ZNF608: variants seen among roughly 807,000 people sequenced by gnomAD.
The protein encoded by ZNF608 is renal carcinoma antigen NY-REN-36.
A neutral mutation model predicts 109.0 loss-of-function variants in ZNF608; 12 were observed. That is an observed-to-expected ratio of 0.11 (90% CI 0.07 to 0.18). The LOEUF (loss-of-function observed/expected upper bound fraction) is 0.18. Among genes scored for constraint, ZNF608 ranks in the 10% least tolerant of loss-of-function variants. The pLI is 1.00. For missense variants in ZNF608, 1,707 were observed against 1,879.3 expected, an observed-to-expected ratio of 0.91 and a Z score of 1.70; for synonymous variants, 732 against 717.4, an observed-to-expected ratio of 1.02 and a Z score of -0.33.
chr5:124,654,042 T>C (rs1750905745), intron 3 of ZNF608, among the ~76,000 whole-genome samples: 1 of 152,210 alleles, frequency 6.6e-6, no homozygotes, highest in Admixed American at 6.5e-5. Context: ...TGTGTTAAAC[T>C]AAATTTGTCT....
chr5:124,742,293 T>C (rs1749446474), intron 2 of ZNF608, among the ~76,000 whole-genome samples: 2 of 152,126 alleles, frequency 1.3e-5, no homozygotes, highest in Admixed American at 6.6e-5. Context: ...CTAAACAAAA[T>C]TGTTGAATGT....
intron 3 of ZNF608, among the ~76,000 whole-genome samples, chr5:124,694,740 G>A (rs374704110): frequency 7.6e-6 from 1 of 132,130 alleles, no homozygotes; most frequent in Non-Finnish European, 1.6e-5. Context: ...CCCATGACAG[G>A]CCTGGGTGTG....
intron 3 of ZNF608, among the ~76,000 whole-genome samples, chr5:124,682,862 C>T (rs1226973200): frequency 6.6e-6 from 1 of 152,194 alleles, no homozygotes; most frequent in Non-Finnish European, 1.5e-5. Context: ...CTTGTGATGG[C>T]CCCTAATGAC....
chr5:124,722,017 C>T (rs950798766), intron 2 of ZNF608, among the ~76,000 whole-genome samples: 7 of 148,174 alleles, frequency 4.7e-5, no homozygotes, highest in Non-Finnish European at 1.0e-4. Context: ...CCCCAATTCC[C>T]AGTTCTAGAG....
chr5:124,727,004 A>G (rs546249092), intron 2 of ZNF608, among the ~76,000 whole-genome samples: 3 of 152,324 alleles, frequency 2.0e-5, no homozygotes, highest in African/African-American at 7.2e-5. Context: ...TCCCATCTCA[A>G]GCTTGTACTT....
chr5:124,641,317 G>A lies in ZNF608; in HGVS notation c.4385C>T (p.Thr1462Met), dbSNP rs776465095. The A allele has an allele frequency of 1.2e-5, 19 of 1,614,012 alleles. 1 individual carries two copies. The highest frequency in any genetic ancestry group is 4.5e-5 in the East Asian group (2 of 44,874). The change falls in exon 8 of 10, where the codon ACG (threonine) becomes ATG (methionine). Residue 1462 changes from threonine to methionine, a missense_variant. By Grantham distance (81) the Thr-to-Met change is moderately conservative. Coordinates refer to ENST00000513986, the MANE Select transcript of ZNF608 (RefSeq NM_020747.3). ...CATGCCAACGTGGGTGTGGTGGTGC[G>A]TGTGCAGGTGCCGCTGGCCGAAGGG... ...HSPFGQRHLH[T>M]HHHTHVGMGY...
At chr5:124,642,762 A>G (rs1180557042) in intron 7 of ZNF608, among the ~76,000 whole-genome samples, 1 of 146,134 alleles carries the variant, frequency 6.8e-6, no homozygotes. Context: ...GCAGTGGCAC[A>G]ATCTCTGCTC....
chr5:124,638,798 A>T (rs1322863282), intron 9 of ZNF608: 1 of 1,088,170 alleles, frequency 9.2e-7, no homozygotes, highest in South Asian at 2.0e-5. Context: ...CATTATGAAA[A>T]TAAATGTCTC....
In ZNF608 at chr5:124,744,303, G is replaced by T; in HGVS notation, c.687C>A (p.Ala229=). The stretch of plus-strand genomic sequence containing the variant: ...AGCCATAGAGGTGCCCCCCGGAAGG[G>T]GCCTGGCTGCCACTGCCATTCTGGT... ...QGHQNGSGSQ[A]PSGGHLYGFG... Residue 229 remains alanine (A), a synonymous_variant, in exon 2 of 10, where the codon GCC becomes GCA. Coordinates refer to ENST00000513986, the MANE Select transcript of ZNF608 (RefSeq NM_020747.3). This position sits in a 1 kb window ranked among gnomAD's most constrained non-coding sequence, Gnocchi z 4.5. The T allele has an allele frequency of 6.2e-7, 1 of 1,614,094 alleles. No individual in the cohort carries two copies. Among genetic ancestry groups the T allele is most frequent in the South Asian group, 1.1e-5 (1 of 91,086 alleles).
At chr5:124,707,895 G>A (rs1215966300) in intron 2 of ZNF608, 1 of 152,220 alleles carries the variant, frequency 6.6e-6, no homozygotes, top group Non-Finnish European at 1.5e-5. Context: ...TTCTAATTCT[G>A]CCTTTTCGTA....
chr5:124,704,692 A>C (rs1243690839), intron 2 of ZNF608, among the ~76,000 whole-genome samples: 1 of 152,094 alleles, frequency 6.6e-6, no homozygotes, highest in Non-Finnish European at 1.5e-5. Flanking sequence ...TCCTCATGGC[A>C]TCAACTGACA....
chr5:124,695,009 T>C (rs943412260), intron 3 of ZNF608, among the ~76,000 whole-genome samples: 9 of 152,166 alleles, frequency 5.9e-5, no homozygotes, highest in African/African-American at 1.9e-4. Context: ...GGCTCACCAC[T>C]TGACCCTTTT....
Position 124,647,017 on chromosome 5 carries a change from C to T in ZNF608, c.3367G>A (p.Gly1123Arg). ...CTTTTCCTTTCACAGTCTCCTCTCC[C>T]AGTCTGGGCCATTTTCTGCTCTGCC... Reference protein sequence around the residue: ...RLAEQKMAQTGRGDCERKSEL... With the variant: ...RLAEQKMAQTRRGDCERKSEL... The change falls in exon 5 of 10, where the codon GGG (glycine) becomes AGG (arginine). Residue 1123 changes from glycine to arginine, a missense_variant. Physicochemically the swap from Gly to Arg is moderately radical, Grantham distance 125. This residue lies in a region of ZNF608 where 1,073 missense variants were observed against 1,133.5 expected (regional missense o/e 0.95). Coordinates refer to ENST00000513986, the MANE Select transcript of ZNF608 (RefSeq NM_020747.3). The T allele has an allele frequency of 6.2e-7, 1 of 1,614,034 alleles. No individual in the cohort carries two copies. Among genetic ancestry groups the T allele is most frequent in the Non-Finnish European group, 8.5e-7 (1 of 1,179,974 alleles).
intron 9 of ZNF608, chr5:124,638,803 T>C (rs1750100666): frequency 9.2e-7 from 1 of 1,088,278 alleles, no homozygotes; most frequent in African/African-American, 1.7e-5. Context: ...TGAAAATAAA[T>C]GTCTCCATTT....
chr5:124,674,951 T>A (rs1751877140), intron 3 of ZNF608, among the ~76,000 whole-genome samples: 1 of 152,200 alleles, frequency 6.6e-6, no homozygotes, highest in Admixed American at 6.5e-5. Flanking sequence ...TTGAGAAGAA[T>A]GGGCCTAATC....
In ZNF608 at chr5:124,679,319, G is replaced by A. The variant is rs1171930259; in HGVS notation, c.1162+21695C>T. Among the ~76,000 whole-genome samples the A allele has an allele frequency of 2.6e-5, 4 of 152,206 alleles. No individual in the cohort carries two copies. In the East Asian group the frequency reaches 7.7e-4, roughly 29 times the overall value. On this transcript the variant is annotated intron_variant, in intron 3 of 9. Transcript: ENST00000513986. ...TGGGAAGATTGTTTTCAGTCAGGTT[G>A]AAGTCAAGTCATGAGTTCACTTGAC...
chr5:124,647,984 G>A lies in ZNF608; in HGVS notation c.2400C>T (p.Thr800=), dbSNP rs200609370. Residue 800 remains threonine, a synonymous_variant, in exon 5 of 10, where the codon ACC becomes ACT. Transcript: ENST00000513986. ...TGAGTGACACCAGAGCTGGGTTCAC[G>A]GTGATGGGCTCTCCCATAATTGTGG... ...PKPTIMGEPI[T]VNPALVSLKD... 56 of 1,614,196 alleles carry A rather than the reference G, an allele frequency of 3.5e-5. No individual in the cohort carries two copies. Among genetic ancestry groups the A allele is most frequent in the East Asian group, 1.3e-4 (6 of 44,882 alleles).
chr5:124,700,097 C>T (rs1752993707), intron 3 of ZNF608, among the ~76,000 whole-genome samples: 1 of 152,160 alleles, frequency 6.6e-6, no homozygotes. Context: ...AAAGTTCCCC[C>T]ACCCCTTCAT....
In ZNF608 at chr5:124,746,290, C is replaced by T. The variant is rs1580733917; in HGVS notation, c.-279G>A. The T allele has an allele frequency of 1.0e-6, 1 of 985,384 alleles. No individual in the cohort carries two copies. Among genetic ancestry groups the T allele is most frequent in the Non-Finnish European group, 1.2e-6 (1 of 829,916 alleles). The allele number at this position is 985,384 out of a possible 1,614,324, so 61.0% of individuals were successfully genotyped here. On this transcript the variant is annotated 5_prime_UTR_variant, in exon 1 of 10. Transcript: ENST00000513986. ...AAGCCTGTGCCTCATTTTACTTAAA[C>T]ACCAAATGATCAAGAAGGAAGAAAC...
Sources: gnomAD v4.1 joint callset for allele counts (sites outside exome capture counted in the v4.1 genomes callset) on GRCh38, gnomAD v4.1.1 for gene constraint, gnomAD v4.1.1 regional missense constraint, Gnocchi (gnomAD v3.1) non-coding constraint, MANE v1.5 for transcripts, NCBI Gene and HGNC (gene_info 2026-07-23, HGNC 2026-07-21) for gene names.